CELF4: variants seen among roughly 807,000 people sequenced by gnomAD.
CELF4 encodes CUG-BP- and ETR-3-like factor 4.
A neutral mutation model predicts 59.9 loss-of-function variants in CELF4; 18 were observed. The observed-to-expected ratio is 0.30, with a 90% CI of 0.21 to 0.45. The LOEUF is 0.45. Among genes scored for constraint, CELF4 ranks in the 20% least tolerant of loss-of-function variants. CELF4 has a pLI of 1.00. For synonymous variants in CELF4, 261 were observed against 267.1 expected (o/e 0.98, Z 0.22); for missense variants, 456 against 689.0 (o/e 0.66, Z 3.79).
intron 12 of CELF4, among the ~76,000 whole-genome samples, chr18:37,252,039 T>A (rs1432513120): frequency 6.6e-6 from 1 of 152,126 alleles, no homozygotes; most frequent in Admixed American, 6.5e-5. Context: ...AGAAGGCCCC[T>A]GCTCTCTGAG....
At chr18:37,296,886 A>AC (rs1261251705) in intron 3 of CELF4, among the ~76,000 whole-genome samples, 1 of 151,458 alleles carries the variant, frequency 6.6e-6, no homozygotes, top group Admixed American at 6.6e-5. Context: ...ACGCCCCTTC[A>AC]CCCCCAAGGG....
intron 2 of CELF4, among the ~76,000 whole-genome samples, chr18:37,349,966 C>T (rs574118116): frequency 4.6e-5 from 7 of 152,134 alleles, no homozygotes; most frequent in South Asian, 2.1e-4. Flanking sequence ...CGATCACATG[C>T]GACGTGACTG....
At chr18:37,263,832 A>G (rs1228691370) in intron 10 of CELF4, among the ~76,000 whole-genome samples, 1 of 151,716 alleles carries the variant, frequency 6.6e-6, no homozygotes, top group Non-Finnish European at 1.5e-5. Context: ...CTGCCCTGGG[A>G]GCTCCACCTG....
At chr18:37,405,094 C>T (rs528282472) in intron 2 of CELF4, among the ~76,000 whole-genome samples, 8 of 152,226 alleles carry the variant, frequency 5.3e-5, no homozygotes, top group Admixed American at 5.2e-4. Flanking sequence ...AGGCCCCAAC[C>T]CCCCCCGTGT....
intron 2 of CELF4, among the ~76,000 whole-genome samples, chr18:37,453,933 G>A (rs1023542088): frequency 1.3e-5 from 2 of 151,826 alleles, no homozygotes; most frequent in Admixed American, 6.6e-5. Context: ...CCTTCTCCCC[G>A]CTCCCTCCAC....
At chr18:37,510,035 C>T (rs1273556711) in intron 1 of CELF4, among the ~76,000 whole-genome samples, 1 of 152,200 alleles carries the variant, frequency 6.6e-6, no homozygotes, top group Admixed American at 6.5e-5. Context: ...CTGCCTAATG[C>T]ACACGAAGGT....
chr18:37,361,961 G>A (rs1323951317), intron 2 of CELF4, among the ~76,000 whole-genome samples: 2 of 152,162 alleles, frequency 1.3e-5, no homozygotes, highest in South Asian at 2.1e-4. Context: ...GGGGCACTGA[G>A]GCCAGGCCAA....
chr18:37,269,284 G>A (rs2154342733), intron 8 of CELF4, among the ~76,000 whole-genome samples: 1 of 152,164 alleles, frequency 6.6e-6, no homozygotes, highest in South Asian at 2.1e-4. Context: ...GTGGATTGAG[G>A]GATATATTAT....
intron 2 of CELF4, among the ~76,000 whole-genome samples, chr18:37,397,512 G>A (rs2099259891): frequency 1.3e-5 from 2 of 152,260 alleles, no homozygotes; most frequent in South Asian, 4.1e-4. Flanking sequence ...GGGATTGGTT[G>A]GGATCCCTAA....
intron 2 of CELF4, among the ~76,000 whole-genome samples, chr18:37,467,505 C>T (rs1233919630): frequency 6.6e-6 from 1 of 152,058 alleles, no homozygotes; most frequent in Non-Finnish European, 1.5e-5. Flanking sequence ...GAGTCAATGG[C>T]CACGTGGACC....
At chr18:37,434,655 G>A (rs1383237121) in intron 2 of CELF4, among the ~76,000 whole-genome samples, 1 of 152,134 alleles carries the variant, frequency 6.6e-6, no homozygotes, top group Admixed American at 6.5e-5. Flanking sequence ...AGGGCCTTTC[G>A]GGTTGCATGG....
intron 1 of CELF4, among the ~76,000 whole-genome samples, chr18:37,505,299 C>A (rs1031451039): frequency 2.6e-5 from 4 of 152,216 alleles, no homozygotes; most frequent in African/African-American, 9.6e-5. Flanking sequence ...TCTCCACACT[C>A]CCTTTCTTTC....
At chr18:37,460,556 T>C (rs1333586908) in intron 2 of CELF4, among the ~76,000 whole-genome samples, 3 of 152,202 alleles carry the variant, frequency 2.0e-5, no homozygotes, top group Non-Finnish European at 4.4e-5. Context: ...TTCCTGTCCT[T>C]TGTTCTTAGA....
At chr18:37,427,164 G>T (rs1013298187) in intron 2 of CELF4, among the ~76,000 whole-genome samples, 3 of 152,150 alleles carry the variant, frequency 2.0e-5, no homozygotes, top group Non-Finnish European at 2.9e-5. Flanking sequence ...TCAGCTGGAC[G>T]TGGGGCTTGC....
At chr18:37,455,632 T>C (rs985340660) in intron 2 of CELF4, among the ~76,000 whole-genome samples, 1 of 152,180 alleles carries the variant, frequency 6.6e-6, no homozygotes, top group African/African-American at 2.4e-5. Context: ...AATGTGAGCA[T>C]GGGCAGTCAG....
At chr18:37,518,920 G>A (rs1023023898) in intron 1 of CELF4, among the ~76,000 whole-genome samples, 9 of 152,188 alleles carry the variant, frequency 5.9e-5, no homozygotes, top group Non-Finnish European at 8.8e-5. Flanking sequence ...ACACATGCAC[G>A]CACAAGTAAT....
At chr18:37,314,961 C>T (rs1039123913) in intron 3 of CELF4, among the ~76,000 whole-genome samples, 6 of 152,144 alleles carry the variant, frequency 3.9e-5, no homozygotes, top group Non-Finnish European at 7.4e-5. Context: ...AGTGTGTTGT[C>T]GGCCGGTGGT....
At chr18:37,247,760 G>A (rs548990005) in intron 12 of CELF4, among the ~76,000 whole-genome samples, 1 of 152,294 alleles carries the variant, frequency 6.6e-6, no homozygotes, top group South Asian at 2.1e-4. Context: ...CATGCGTTGG[G>A]GAGGGGGGCA....
chr18:37,317,683 G>A (rs1440488821), intron 3 of CELF4, among the ~76,000 whole-genome samples: 1 of 152,146 alleles, frequency 6.6e-6, no homozygotes, highest in Non-Finnish European at 1.5e-5. Context: ...CAGAGGCAAG[G>A]CTGGCACTGC....
Sources: allele counts gnomAD v4.1 joint callset (sites outside exome capture counted in the v4.1 genomes callset), GRCh38; gene constraint gnomAD v4.1.1; transcripts MANE v1.5; gene names NCBI Gene and HGNC (gene_info 2026-07-23, HGNC 2026-07-21).